Variants in DLEC1 observed in about 807,000 individuals in gnomAD.
DLEC1 encodes deleted in lung and esophageal cancer protein 1.
A neutral mutation model predicts 198.1 loss-of-function variants in DLEC1; 146 were observed. The ratio of observed to expected loss-of-function variants is 0.74; its 90% CI spans 0.64 to 0.85. The LOEUF (loss-of-function observed/expected upper bound fraction) is 0.85. DLEC1 is among the 40% of genes least tolerant of loss of function. DLEC1 has a pLI of 0.00. For missense variants in DLEC1, 2,233 were observed against 2,220.0 expected, an observed-to-expected ratio of 1.01 and a Z score of -0.12; for synonymous variants, 897 against 866.8, an observed-to-expected ratio of 1.03 and a Z score of -0.61.
rs1700853380 is a variant in DLEC1, at chr3:38,045,660, C to T, written c.529C>T (p.Gln177Ter). 1.9e-6 allele frequency: 3 copies of T among 1,613,708 alleles called. No homozygotes were observed. Among genetic ancestry groups the T allele is most frequent in the African/African-American group, 2.7e-5 (2 of 74,878 alleles). ...NERVMSQAGV[Q>*]DLESLVRLPP... ...GCGGGTCATGAGCCAGGCTGGAGTACAGGACCTCGAGAGCCTTGTCAGGTT... is the reference window on the plus strand; with the variant it reads ...GCGGGTCATGAGCCAGGCTGGAGTATAGGACCTCGAGAGCCTTGTCAGGTT... Residue 177 changes from glutamine to a stop codon, truncating the protein, a stop_gained, in exon 2 of 37, where the codon CAG becomes TAG. Transcript: ENST00000308059. LOFTEE classifies it high-confidence loss of function.
chr3:38,086,276 G>T lies in DLEC1; in HGVS notation c.1471G>T (p.Gly491Trp), dbSNP rs1464319694. The change falls in exon 9 of 37, where the codon GGG becomes TGG. Residue 491 changes from glycine (G) to tryptophan (W), a missense_variant. Transcript: ENST00000308059. ...GTTGGACTGTGGTTACTGCCTCATT[G>T]GGGGAGTCAAGATGACCAGATTCAT... The part of the protein sequence containing the change: ...PVLDCGYCLI[G>W]GVKMTRFICK... 11 of 1,612,684 alleles carry T rather than the reference G, an allele frequency of 6.8e-6. No individual in the cohort carries two copies. The highest frequency in any genetic ancestry group is 1.7e-5 in the Admixed American group (1 of 59,916).
intron 6 of DLEC1, among the ~76,000 whole-genome samples, chr3:38,074,836 G>A (rs971578525): frequency 5.9e-5 from 9 of 152,178 alleles, no homozygotes; most frequent in African/African-American, 2.2e-4. Flanking sequence ...TATATTTAGT[G>A]GGGTCTGATG....
intron 19 of DLEC1, 120 bp downstream of exon 19, chr3:38,100,545 G>A (rs1448267371): frequency 1.5e-6 from 2 of 1,310,910 alleles, no homozygotes; most frequent in Non-Finnish European, 9.9e-7. Flanking sequence ...CAGAAAATTA[G>A]TATTCTATAA....
At chr3:38,117,716 C>A in intron 32 of DLEC1, 90 bp from the exon 33 acceptor site, 1 of 1,594,184 alleles carries the variant, frequency 6.3e-7, no homozygotes, top group Non-Finnish European at 8.6e-7. Context: ...CAAATCCCCT[C>A]CCCCAGCCCT....
chr3:38,107,693 C>T lies in DLEC1; in HGVS notation c.2974C>T (p.Leu992Phe), dbSNP rs1272513483. 6.2e-7 allele frequency: 1 copy of T among 1,614,168 alleles called. No individual in the cohort carries two copies. Among genetic ancestry groups the T allele is most frequent in the Middle Eastern group, 1.7e-4 (1 of 6,060 alleles). ...TGTGCCCACGAAGACAACCATCACA[C>T]TTATCAATGGCACGCTCCTGCCTAC... ...LGVPTKTTIT[L>F]INGTLLPTQF... is the part of the protein sequence containing the mutation. The change falls in exon 20 of 37, where the codon CTT becomes TTT. Residue 992 changes from leucine (L) to phenylalanine (F), a missense_variant. Coordinates refer to ENST00000308059, the MANE Select transcript of DLEC1 (RefSeq NM_007335.4).
intron 13 of DLEC1, 43 bp downstream of exon 13, chr3:38,095,114 T>C: frequency 1.2e-6 from 2 of 1,604,140 alleles, no homozygotes; most frequent in Non-Finnish European, 1.7e-6. Context: ...GGTTGGATCA[T>C]GTATTTAGAC....
rs1700500948 is a variant in DLEC1 at position 38,122,063 on chromosome 3, T to C, written c.5021-8T>C. The C allele has an allele frequency of 6.2e-7, 1 of 1,613,588 alleles. No homozygotes were observed. The highest frequency in any genetic ancestry group is 8.5e-7 in the Non-Finnish European group (1 of 1,179,690). On this transcript the variant is annotated splice_region_variant and splice_polypyrimidine_tract_variant and intron_variant, in intron 35 of 36. Transcript: ENST00000308059. ...GCACTCATGTGTCTTCCCTTCCCTTTGGTGCAGGCCAGCAGGAGCCAGCCA... is the reference window on the plus strand; with the variant it reads ...GCACTCATGTGTCTTCCCTTCCCTTCGGTGCAGGCCAGCAGGAGCCAGCCA...
intron 27 of DLEC1, among the ~76,000 whole-genome samples, chr3:38,115,562 C>G (rs995161271): frequency 6.6e-5 from 10 of 151,966 alleles, no homozygotes; most frequent in African/African-American, 2.4e-4. Context: ...AAAGAGTGCT[C>G]TGGGCCTGAG....
chr3:38,046,681 A>G (rs1438914888), intron 2 of DLEC1, among the ~76,000 whole-genome samples: 1 of 152,174 alleles, frequency 6.6e-6, no homozygotes, highest in African/African-American at 2.4e-5. Flanking sequence ...GGCCTTCCCC[A>G]GCACCATTTG....
At chr3:38,086,167 A>C in intron 8 of DLEC1, 74 bp from the exon 9 acceptor site, 1 of 1,524,696 alleles carries the variant, frequency 6.6e-7, no homozygotes, top group Non-Finnish European at 8.8e-7. Flanking sequence ...GCTGTACCTC[A>C]GGAGAAGCAT....
chr3:38,108,384 G>C (rs1412076396), intron 20 of DLEC1, 21 bp from the exon 21 acceptor site: 1 of 1,600,574 alleles, frequency 6.2e-7, no homozygotes, highest in Non-Finnish European at 8.6e-7. Context: ...GTGACAACAG[G>C]CTCACTCATG....
chr3:38,045,047 C>CT (rs1700820131), intron 1 of DLEC1, among the ~76,000 whole-genome samples: 1 of 152,200 alleles, frequency 6.6e-6, no homozygotes, highest in African/African-American at 2.4e-5. Flanking sequence ...AAGTTTCTCT[C>CT]TTTGGGTCAA....
intron 2 of DLEC1, among the ~76,000 whole-genome samples, chr3:38,057,603 G>A (rs1696443450): frequency 6.6e-6 from 1 of 152,164 alleles, no homozygotes; most frequent in Admixed American, 6.5e-5. Context: ...CATTTGACAT[G>A]TTATATTTAA....
rs139312417 is a variant in DLEC1, at chr3:38,044,321, G to T, written c.412-1222G>T. Among the ~76,000 whole-genome samples the T allele has an allele frequency of 1.0e-3, 152 of 152,276 alleles. 1 individual carries two copies. Among genetic ancestry groups the T allele is most frequent in the Non-Finnish European group, 1.7e-3 (119 of 68,016 alleles). ...TAACTGCAATCCCAGCGCTTTGGGA[G>T]GCTGAGGTGAGTAGATCATCTGAGG... On this transcript the variant is annotated intron_variant, in intron 1 of 36. Transcript: ENST00000308059.
Position 38,048,659 on chromosome 3 carries a change from TC to T in DLEC1, c.562+2967del, listed in dbSNP as rs149030987. On this transcript the variant is annotated intron_variant, in intron 2 of 36. Coordinates refer to ENST00000308059, the MANE Select transcript of DLEC1 (RefSeq NM_007335.4). Reference sequence around the variant, plus strand: ...GGACTTAGATTTGAACTTGGGTGTGTCTGCTGTCAAAACCCATGGCTTTCTT... The same window carrying T: ...GGACTTAGATTTGAACTTGGGTGTGTTGCTGTCAAAACCCATGGCTTTCTT... 9.8e-5 allele frequency among the ~76,000 whole-genome samples: 15 copies of T among 152,356 alleles called. No individual in the cohort carries two copies. In the East Asian group the frequency reaches 2.7e-3, roughly 27 times the overall value.
chr3:38,049,931 G>T (rs530813358), intron 2 of DLEC1, among the ~76,000 whole-genome samples: 19 of 152,298 alleles, frequency 1.2e-4, no homozygotes, highest in Admixed American at 2.0e-4. Context: ...TTCCCAGAAG[G>T]CACCTCCCAC....
chr3:38,122,317 G>GT lies in DLEC1; in HGVS notation c.5174dup (p.Val1726GlyfsTer7). The GT allele has an allele frequency of 6.2e-7, 1 of 1,613,994 alleles. No homozygotes were observed. The highest frequency in any genetic ancestry group is 8.5e-7 in the Non-Finnish European group (1 of 1,179,928). On this transcript the variant is annotated frameshift_variant, in exon 37 of 37. Transcript: ENST00000308059. LOFTEE classifies it high-confidence loss of function. ...TAGTGAGCTGTACGAGTCCACGATG[G>GT]TGGTGGAAGGTGTGCTCGGTGAGAA...
chr3:38,096,847 G>A, intron 15 of DLEC1, 110 bp downstream of exon 15: 1 of 1,312,674 alleles, frequency 7.6e-7, no homozygotes, highest in Non-Finnish European at 1.0e-6. Flanking sequence ...ACTGCATGGA[G>A]GCTGAGGCCA....
chr3:38,122,708 A>G lies in DLEC1; in HGVS notation c.*296A>G. On this transcript the variant is annotated 3_prime_UTR_variant, in exon 37 of 37. Transcript: ENST00000308059. ...TTAGTCTTGGAAAAAAACCACAGCC[A>G]CTAAGATAAATTCATGCACTTTTAC... 1 of 1,385,506 alleles carries G rather than the reference A, an allele frequency of 7.2e-7. No homozygotes were observed. 85.8% of individuals were successfully genotyped at this position (1,385,506 alleles called of 1,614,324 possible). A position where few individuals can be genotyped will look rare whatever the true frequency, so the allele number is the denominator to read the frequency against.
Sources: allele counts gnomAD v4.1 joint callset (sites outside exome capture counted in the v4.1 genomes callset), GRCh38; gene constraint gnomAD v4.1.1; transcripts MANE v1.5; gene names NCBI Gene and HGNC (gene_info 2026-07-23, HGNC 2026-07-21).